TOM1L1: variants seen among roughly 807,000 people sequenced by gnomAD.
TOM1L1 encodes TOM1-like protein 1.
TOM1L1 carries 64 observed loss-of-function variants against 63.4 expected under a neutral mutation model. The ratio of observed to expected loss-of-function variants is 1.01; its 90% CI spans 0.83 to 1.24. The LOEUF is 1.24. TOM1L1 is among the 50% of genes most tolerant of loss of function. TOM1L1 has a pLI of 0.00. For missense variants in TOM1L1, 536 were observed against 567.0 expected, an observed-to-expected ratio of 0.95 and a Z score of 0.55; for synonymous variants, 166 against 194.4, an observed-to-expected ratio of 0.85 and a Z score of 1.22.
chr17:54,951,478 G>A (rs62073564), intron 14 of TOM1L1, among the ~76,000 whole-genome samples: 2 of 152,330 alleles, frequency 1.3e-5, no homozygotes, highest in South Asian at 2.1e-4. Flanking sequence ...AAAGGTGGGC[G>A]ATTAGAGTGG....
chr17:54,918,944 T>C (rs2048636217), intron 7 of TOM1L1, among the ~76,000 whole-genome samples: 1 of 152,194 alleles, frequency 6.6e-6, no homozygotes, highest in Non-Finnish European at 1.5e-5. Context: ...AATGAATCAG[T>C]ATTTTGGATC....
intron 4 of TOM1L1, 77 bp from the exon 5 acceptor site, chr17:54,913,665 CAAAAAA>C (rs58570485): frequency 0.27 from 292,317 of 1,074,818 alleles, 11,629 homozygotes; most frequent in Middle Eastern, 0.29. Context: ...GACTCTGTCT[CAAAAAA>C]AAAAAAAAAA....
In TOM1L1 at chr17:54,903,770, A is replaced by G. The variant is rs780140517; in HGVS notation, c.121A>G (p.Ile41Val). 24 of 1,614,092 alleles carry G rather than the reference A, an allele frequency of 1.5e-5. No individual in the cohort carries two copies. The East Asian group carries it at 5.1e-4, about 34-fold the overall frequency. The change falls in exon 2 of 16, where the codon ATA (isoleucine) becomes GTA (valine). Residue 41 changes from isoleucine (I) to valine (V), a missense_variant. Coordinates refer to ENST00000575882, the MANE Select transcript of TOM1L1 (RefSeq NM_005486.3). The part of the protein sequence containing the change: ...DWGQFMHICD[I>V]INTTQDGPKD... Reference sequence around the variant, plus strand: ...GGGCCAGTTCATGCACATCTGTGACATAATTAACACTACCCAGGATGGGTG... The same window carrying G: ...GGGCCAGTTCATGCACATCTGTGACGTAATTAACACTACCCAGGATGGGTG...
intron 11 of TOM1L1, among the ~76,000 whole-genome samples, chr17:54,939,498 C>T (rs2049003330): frequency 6.6e-6 from 1 of 152,130 alleles, no homozygotes; most frequent in South Asian, 2.1e-4. Flanking sequence ...AGGGTACTTG[C>T]TGTGTGGCAG....
chr17:54,955,279 G>C (rs546820212), intron 14 of TOM1L1: 18 of 152,382 alleles, frequency 1.2e-4, no homozygotes, highest in African/African-American at 4.3e-4. Context: ...ATCTCATGGA[G>C]ACAATGAAGT....
intron 7 of TOM1L1, 174 bp downstream of exon 7, chr17:54,916,036 C>T (rs538388060): frequency 1.2e-5 from 6 of 498,542 alleles, no homozygotes; most frequent in South Asian, 3.6e-5. Context: ...GTCAGAAATG[C>T]AGTAGTAACT....
intron 11 of TOM1L1, chr17:54,942,536 G>A (rs1284875820): frequency 1.3e-5 from 2 of 152,180 alleles, no homozygotes; most frequent in African/African-American, 4.8e-5. Flanking sequence ...GGAAACCAAG[G>A]CTGAGGAAGA....
intron 14 of TOM1L1, among the ~76,000 whole-genome samples, chr17:54,960,291 G>C (rs1304764520): frequency 6.6e-6 from 1 of 152,134 alleles, no homozygotes; most frequent in Non-Finnish European, 1.5e-5. Context: ...CTTGAACCTG[G>C]GAGGCAGAGG....
At chr17:54,906,987 G>T (rs939043130) in intron 3 of TOM1L1, among the ~76,000 whole-genome samples, 1 of 152,230 alleles carries the variant, frequency 6.6e-6, no homozygotes, top group Non-Finnish European at 1.5e-5. Flanking sequence ...TGGGGCATAT[G>T]TGAGCATAGC....
At chr17:54,911,461 T>C (rs2048495804) in intron 3 of TOM1L1, among the ~76,000 whole-genome samples, 1 of 152,192 alleles carries the variant, frequency 6.6e-6, no homozygotes, top group African/African-American at 2.4e-5. Flanking sequence ...AAATGCCCCT[T>C]ATCTTTTGAA....
intron 1 of TOM1L1, among the ~76,000 whole-genome samples, chr17:54,902,601 C>A (rs2048345729): frequency 1.3e-5 from 2 of 152,194 alleles, no homozygotes; most frequent in South Asian, 2.1e-4. Flanking sequence ...TCAAGTGGTT[C>A]TTTTCCTGGA....
At chr17:54,914,777 C>A (rs753024081) in intron 6 of TOM1L1, 34 bp downstream of exon 6, 2 of 1,519,374 alleles carry the variant, frequency 1.3e-6, no homozygotes, top group Non-Finnish European at 1.8e-6. Context: ...TAATTGATGT[C>A]TTTTCCTGAT....
intron 3 of TOM1L1, among the ~76,000 whole-genome samples, 191 bp from the exon 4 acceptor site, chr17:54,912,475 G>C (rs2048512471): frequency 6.6e-6 from 1 of 152,138 alleles, no homozygotes; most frequent in Non-Finnish European, 1.5e-5. Context: ...CTGTCCTCCA[G>C]ACTGTTACAT....
intron 3 of TOM1L1, among the ~76,000 whole-genome samples, chr17:54,908,840 T>C (rs1037583445): frequency 2.6e-5 from 4 of 152,240 alleles, no homozygotes; most frequent in Non-Finnish European, 4.4e-5. Flanking sequence ...AATTAGTTAA[T>C]AGGCCTTTGT....
At position 54,915,848 on chromosome 17, in the gene TOM1L1, A is replaced by G. The variant is rs1598013011; in HGVS notation, c.706A>G (p.Ile236Val). Reference protein sequence around the residue: ...NTPGSENHEDIELLQKLYKTG... With the variant: ...NTPGSENHEDVELLQKLYKTG... ...TCCTGGGTCTGAAAACCATGAAGAC[A>G]TAGAGCTTCTGCAGGTGTTGTACGA... is the stretch of plus-strand genomic sequence containing the variant. Residue 236 changes from isoleucine (I) to valine (V), a missense_variant, in exon 7 of 16, where the codon ATA (isoleucine) becomes GTA (valine). Ile to Val is a conservative substitution (Grantham distance 29). Coordinates refer to ENST00000575882, the MANE Select transcript of TOM1L1 (RefSeq NM_005486.3). 2 of 1,613,278 alleles carry G rather than the reference A, an allele frequency of 1.2e-6. No individual in the cohort carries two copies. Among genetic ancestry groups the G allele is most frequent in the East Asian group, 2.2e-5 (1 of 44,858 alleles).
At chr17:54,915,594 A>G (rs893145707) in intron 6 of TOM1L1, 152 bp from the exon 7 acceptor site, 12 of 463,034 alleles carry the variant, frequency 2.6e-5, no homozygotes, top group African/African-American at 4.0e-5. Context: ...TAAAATAACT[A>G]TATGTATATT....
intron 7 of TOM1L1, among the ~76,000 whole-genome samples, chr17:54,922,848 A>T (rs1302700754): frequency 5.3e-5 from 8 of 152,132 alleles, no homozygotes; most frequent in Admixed American, 4.6e-4. Context: ...CCTCTATTTA[A>T]TTCCAATACA....
intron 1 of TOM1L1, among the ~76,000 whole-genome samples, chr17:54,903,100 G>A (rs190991454): frequency 2.6e-5 from 4 of 152,282 alleles, no homozygotes; most frequent in East Asian, 1.9e-4. Flanking sequence ...GACAATAAAC[G>A]TATTACTTTT....
intron 7 of TOM1L1, among the ~76,000 whole-genome samples, chr17:54,919,518 A>T (rs1398347901): frequency 6.6e-6 from 1 of 152,104 alleles, no homozygotes; most frequent in Non-Finnish European, 1.5e-5. Flanking sequence ...TTGGGTGCAG[A>T]TGTTTGGTTG....
Sources: gnomAD v4.1 joint callset for allele counts (sites outside exome capture counted in the v4.1 genomes callset) on GRCh38, gnomAD v4.1.1 for gene constraint, MANE v1.5 for transcripts, NCBI Gene and HGNC (gene_info 2026-07-23, HGNC 2026-07-21) for gene names.